USP39: variants seen among roughly 807,000 people sequenced by gnomAD.
USP39 encodes the protein ubiquitin specific peptidase 39.
USP39 carries 38 observed loss-of-function variants against 66.4 expected under a neutral mutation model. The ratio of observed to expected loss-of-function variants is 0.57; its 90% CI spans 0.44 to 0.75. The LOEUF is 0.75. Among genes scored for constraint, USP39 ranks in the 30% least tolerant of loss-of-function variants. USP39 has a pLI of 0.00. For missense variants in USP39, 608 were observed against 714.4 expected, an observed-to-expected ratio of 0.85 and a Z score of 1.70; for synonymous variants, 303 against 274.6, an observed-to-expected ratio of 1.10 and a Z score of -1.02.
chr2:85,607,239 A>T (rs957975075), upstream of USP39: 2 of 152,230 alleles, frequency 1.3e-5, no homozygotes, highest in Admixed American at 6.5e-5. Flanking sequence ...TCATCAGATC[A>T]GTTTAAGGAC....
At chr2:85,640,889 T>C (rs924049298) in intron 9 of USP39, 87 bp from the exon 10 acceptor site, 2 of 1,293,386 alleles carry the variant, frequency 1.5e-6, no homozygotes, top group Admixed American at 2.6e-5. Flanking sequence ...AATTATATTT[T>C]AAAAAATCGA....
At chr2:85,634,302 G>A (rs1265014264) in intron 6 of USP39, among the ~76,000 whole-genome samples, 1 of 151,922 alleles carries the variant, frequency 6.6e-6, no homozygotes, top group Non-Finnish European at 1.5e-5. Context: ...GGCCAGGCGC[G>A]CTGGCTCATG....
chr2:85,644,806 G>C (rs1676516517), intron 10 of USP39, 142 bp from the exon 11 acceptor site: 2 of 1,044,470 alleles, frequency 1.9e-6, no homozygotes, highest in Non-Finnish European at 2.7e-6. Context: ...AACGCACCTG[G>C]ACCTTCTTGA....
chr2:85,623,270 A>G (rs1014413681), intron 3 of USP39, among the ~76,000 whole-genome samples: 1 of 152,102 alleles, frequency 6.6e-6, no homozygotes, highest in Admixed American at 6.6e-5. Flanking sequence ...ATGTGTATTT[A>G]TGCACACATA....
intron 6 of USP39, among the ~76,000 whole-genome samples, chr2:85,631,389 T>C (rs1339461293): frequency 6.9e-6 from 1 of 145,138 alleles, no homozygotes; most frequent in Non-Finnish European, 1.5e-5. Flanking sequence ...GACTTGTAGC[T>C]CACTGCAGCC....
intron 11 of USP39, among the ~76,000 whole-genome samples, chr2:85,646,364 G>A (rs1032049472): frequency 6.6e-6 from 1 of 152,194 alleles, no homozygotes; most frequent in Admixed American, 6.5e-5. Flanking sequence ...TTGTGGTTAG[G>A]CAGTACGCCA....
chr2:85,614,351 T>TA (rs1673771748), upstream of USP39, among the ~76,000 whole-genome samples: 1 of 152,034 alleles, frequency 6.6e-6, no homozygotes, highest in African/African-American at 2.4e-5. Flanking sequence ...CTGTGCCTAC[T>TA]AAAAATACAA....
upstream of USP39, among the ~76,000 whole-genome samples, chr2:85,612,661 C>A (rs367639695): frequency 3.2e-4 from 47 of 147,996 alleles, no homozygotes; most frequent in East Asian, 2.7e-3. Flanking sequence ...ATTTATTTTT[C>A]CTTTTTTTTT....
intron 11 of USP39, among the ~76,000 whole-genome samples, chr2:85,647,669 A>C (rs1048994774): frequency 2.1e-4 from 32 of 151,794 alleles, no homozygotes; most frequent in South Asian, 4.1e-4. Flanking sequence ...AAAAAAAAAA[A>C]AAAACAAAAA....
intron 6 of USP39, among the ~76,000 whole-genome samples, chr2:85,633,708 A>T (rs1675544838): frequency 6.6e-6 from 1 of 152,066 alleles, no homozygotes; most frequent in African/African-American, 2.4e-5. Flanking sequence ...TAGAGGCTTC[A>T]GTGAGCCATG....
At chr2:85,648,295 G>T (rs1676800658) in intron 12 of USP39, among the ~76,000 whole-genome samples, 1 of 152,200 alleles carries the variant, frequency 6.6e-6, no homozygotes, top group African/African-American at 2.4e-5. Context: ...GTGCGGTCTG[G>T]TTTCGAGGAG....
At chr2:85,622,122 ATTTTTTT>A (rs1196215457) in intron 3 of USP39, among the ~76,000 whole-genome samples, 2 of 141,452 alleles carry the variant, frequency 1.4e-5, no homozygotes, top group East Asian at 2.0e-4. Flanking sequence ...GCCCGGCCTA[ATTTTTTT>A]TTTTTTTAAG....
At chr2:85,633,371 C>T (rs1335493400) in intron 6 of USP39, among the ~76,000 whole-genome samples, 1 of 152,150 alleles carries the variant, frequency 6.6e-6, no homozygotes, top group African/African-American at 2.4e-5. Context: ...GATCCACCCG[C>T]CTCGGCCTCC....
At chr2:85,643,209 A>G (rs781019711) in intron 10 of USP39, among the ~76,000 whole-genome samples, 8 of 152,124 alleles carry the variant, frequency 5.3e-5, no homozygotes, top group African/African-American at 1.9e-4. Flanking sequence ...GACTTCTCCA[A>G]ACCAGGCACG....
chr2:85,636,254 G>C, intron 7 of USP39, 124 bp downstream of exon 7: 1 of 879,588 alleles, frequency 1.1e-6, no homozygotes, highest in South Asian at 1.6e-5. Flanking sequence ...GATTACCTGA[G>C]GTCAGGAGTT....
At chr2:85,634,982 T>A (rs1265867248) in intron 6 of USP39, among the ~76,000 whole-genome samples, 1 of 152,212 alleles carries the variant, frequency 6.6e-6, no homozygotes, top group Non-Finnish European at 1.5e-5. Context: ...CACTATTGGC[T>A]AGGATAGTTA....
chr2:85,616,291 A>C lies in USP39; in HGVS notation c.96A>C (p.Arg32=). The C allele has an allele frequency of 6.4e-7, 1 of 1,564,806 alleles. No homozygotes were observed. Among genetic ancestry groups the C allele is most frequent in the Non-Finnish European group, 8.7e-7 (1 of 1,153,092 alleles). ...RGSSGRVKRE[R]DREREPEAAS... Reference sequence around the variant, plus strand: ...GCTCCGGTCGCGTCAAGCGGGAGCGAGATCGGGAGCGGGAGCCTGAGGCGG... The same window carrying C: ...GCTCCGGTCGCGTCAAGCGGGAGCGCGATCGGGAGCGGGAGCCTGAGGCGG... Residue 32 remains arginine (R), a synonymous_variant, in exon 1 of 13, where the codon CGA becomes CGC. Transcript: ENST00000323701.
Position 85,642,678 on chromosome 2 carries a change from T to G in USP39, c.1427+1560T>G, listed in dbSNP as rs181724195. ...GGAAACTTGCACTTTAATTATTTTA[T>G]GTGCTGTAATTACTTCGAGTAATAC... On this transcript the variant is annotated intron_variant, in intron 10 of 12. Transcript: ENST00000323701. Among the ~76,000 whole-genome samples the G allele has an allele frequency of 3.1e-3, 474 of 152,354 alleles. 8 individuals carry two copies. Among genetic ancestry groups the G allele is most frequent in the Non-Finnish European group, 3.1e-3 (213 of 68,034 alleles).
upstream of USP39, chr2:85,611,569 T>C: frequency 1.3e-6 from 2 of 1,551,146 alleles, no homozygotes; most frequent in Non-Finnish European, 1.7e-6. Context: ...CGAGATGAGC[T>C]GAACCTTAGG....
Sources: gnomAD v4.1 joint callset for allele counts (sites outside exome capture counted in the v4.1 genomes callset) on GRCh38, gnomAD v4.1.1 for gene constraint, MANE v1.5 for transcripts, NCBI Gene and HGNC (gene_info 2026-07-23, HGNC 2026-07-21) for gene names.